GALNT13: variants seen among roughly 807,000 people sequenced by gnomAD.
GALNT13 encodes polypeptide N-acetylgalactosaminyltransferase 13.
A neutral mutation model predicts 64.2 loss-of-function variants in GALNT13; 28 were observed. The ratio of observed to expected loss-of-function variants is 0.44; its 90% CI spans 0.32 to 0.60. The LOEUF (loss-of-function observed/expected upper bound fraction) is 0.60. Among genes scored for constraint, GALNT13 ranks in the 20% least tolerant of loss-of-function variants. The pLI is 0.05. For synonymous variants in GALNT13, 214 were observed against 224.6 expected (o/e 0.95, Z 0.42); for missense variants, 577 against 669.8 (o/e 0.86, Z 1.53).
At chr2:153,666,889 G>T in the GALNT13 span, among the ~76,000 whole-genome samples, 162 of 152,250 alleles carry the variant, frequency 1.1e-3, no homozygotes, top group African/African-American at 3.7e-3. Context: ...TCAGGAGAAA[G>T]TTGAAACTCA....
In GALNT13 at chr2:154,152,061, G is replaced by A. The variant is rs185028510; in HGVS notation, c.311+11556G>A. On this transcript the variant is annotated intron_variant, in intron 4 of 12. Transcript: ENST00000392825. ...TACAATTTGGCATGTTTTTGCAGTGGCTGGTACCGGTTGTTCCTTTCCATG... is the reference window on the plus strand; with the variant it reads ...TACAATTTGGCATGTTTTTGCAGTGACTGGTACCGGTTGTTCCTTTCCATG... Among the ~76,000 whole-genome samples the A allele has an allele frequency of 6.9e-3, 1,045 of 152,246 alleles. 9 individuals are homozygous for A. Among genetic ancestry groups the A allele is most frequent in the African/African-American group, 0.024 (981 of 41,538 alleles).
chr2:154,156,811 T>C (rs1684450050), intron 4 of GALNT13, among the ~76,000 whole-genome samples: 1 of 152,118 alleles, frequency 6.6e-6, no homozygotes, highest in Non-Finnish European at 1.5e-5. Flanking sequence ...GGAACTTATA[T>C]AGATATAAGG....
chr2:153,155,591 T>G, the GALNT13 span, among the ~76,000 whole-genome samples: 2 of 152,270 alleles, frequency 1.3e-5, no homozygotes, highest in African/African-American at 4.8e-5. Flanking sequence ...TTTCTAATTC[T>G]GTTTATTTGA....
intron 9 of GALNT13, among the ~76,000 whole-genome samples, chr2:154,310,175 C>A (rs1400469794): frequency 1.3e-5 from 2 of 152,168 alleles, no homozygotes. Flanking sequence ...TCCAGTGGTT[C>A]CTGTAATTTC....
At chr2:153,638,775 A>C in the GALNT13 span, among the ~76,000 whole-genome samples, 7 of 151,810 alleles carry the variant, frequency 4.6e-5, no homozygotes, top group Admixed American at 4.6e-4. Flanking sequence ...CTCTTTTGAC[A>C]CCTCCAGTTT....
At chr2:153,774,957 A>T in the GALNT13 span, among the ~76,000 whole-genome samples, 2 of 152,220 alleles carry the variant, frequency 1.3e-5, no homozygotes, top group Non-Finnish European at 2.9e-5. Flanking sequence ...ACTTCTGATC[A>T]AATACTGCAC....
chr2:153,444,071 C>T, the GALNT13 span, among the ~76,000 whole-genome samples: 1 of 152,246 alleles, frequency 6.6e-6, no homozygotes, highest in East Asian at 1.9e-4. Context: ...CATTTACCTA[C>T]CTATATGTTT....
the GALNT13 span, among the ~76,000 whole-genome samples, chr2:153,798,776 C>T: frequency 6.6e-6 from 1 of 152,092 alleles, no homozygotes; most frequent in South Asian, 2.1e-4. Context: ...AGTTGTCATA[C>T]TTCTGGTGTA....
At chr2:154,289,697 C>T (rs2105957721) in intron 8 of GALNT13, among the ~76,000 whole-genome samples, 1 of 152,282 alleles carries the variant, frequency 6.6e-6, no homozygotes, top group South Asian at 2.1e-4. Flanking sequence ...TATCAATCCC[C>T]AAGAAATTAG....
chr2:153,497,121 A>T, the GALNT13 span, among the ~76,000 whole-genome samples: 1 of 152,294 alleles, frequency 6.6e-6, no homozygotes, highest in African/African-American at 2.4e-5. Flanking sequence ...GAAATTCTGC[A>T]ATTAAAACAT....
the GALNT13 span, among the ~76,000 whole-genome samples, chr2:153,615,986 A>G: frequency 1.3e-4 from 19 of 151,888 alleles, no homozygotes; most frequent in Non-Finnish European, 2.7e-4. Flanking sequence ...GCTTGTGGGG[A>G]ATTACTCAAG....
chr2:153,896,682 C>G (rs1318108369), intron 1 of GALNT13, among the ~76,000 whole-genome samples: 1 of 151,598 alleles, frequency 6.6e-6, no homozygotes, highest in African/African-American at 2.4e-5. Context: ...ATATTGTCAC[C>G]CAGGTAATAA....
At chr2:154,273,443 G>A (rs1362950244) in intron 8 of GALNT13, among the ~76,000 whole-genome samples, 2 of 152,168 alleles carry the variant, frequency 1.3e-5, no homozygotes, top group African/African-American at 2.4e-5. Flanking sequence ...GGTTAGGAGA[G>A]AGGTCATCCT....
At chr2:153,772,616 G>A in the GALNT13 span, among the ~76,000 whole-genome samples, 1 of 152,194 alleles carries the variant, frequency 6.6e-6, no homozygotes, top group Non-Finnish European at 1.5e-5. Flanking sequence ...CTATTTCCAA[G>A]TGGCTGAGAC....
chr2:153,359,630 CAAAAAAAAAAAAA>C, the GALNT13 span, among the ~76,000 whole-genome samples: 22 of 38,240 alleles, frequency 5.8e-4, no homozygotes, highest in African/African-American at 1.7e-3. Context: ...CAGCTTTCAG[CAAAAAAAAAAAAA>C]AAAAAAAAAA....
At chr2:154,206,159 G>T (rs11903778) in intron 4 of GALNT13, among the ~76,000 whole-genome samples, 1 of 151,592 alleles carries the variant, frequency 6.6e-6, no homozygotes, top group South Asian at 2.1e-4. Context: ...CACCACGCCC[G>T]GCTAATTTTT....
chr2:154,291,209 AGCTGATTGGGCTGTTTTCACAGAGT>A (rs1692608522), intron 8 of GALNT13, among the ~76,000 whole-genome samples: 1 of 151,912 alleles, frequency 6.6e-6, no homozygotes, highest in Non-Finnish European at 1.5e-5. Flanking sequence ...TTTCACAGAG[AGCTGATTGGGCTGTTTTCACAGAGT>A]GCTGATTGGT....
chr2:153,501,362 C>A, the GALNT13 span, among the ~76,000 whole-genome samples: 2 of 151,858 alleles, frequency 1.3e-5, no homozygotes, highest in African/African-American at 4.8e-5. Flanking sequence ...GATGGAGTCG[C>A]CCTCTGTCGC....
the GALNT13 span, among the ~76,000 whole-genome samples, chr2:153,630,805 A>ATTTATTTATT: frequency 6.7e-5 from 1 of 15,006 alleles, no homozygotes; most frequent in African/African-American, 2.4e-4. Flanking sequence ...ATATATATAT[A>ATTTATTTATT]TATTTTTTTT....
Sources: gnomAD v4.1 joint callset for allele counts (sites outside exome capture counted in the v4.1 genomes callset) on GRCh38, gnomAD v4.1.1 for gene constraint, MANE v1.5 for transcripts, NCBI Gene and HGNC (gene_info 2026-07-23, HGNC 2026-07-21) for gene names.